The following CNTLN variants were observed in gnomAD, a reference collection of about 807,000 sequenced individuals.
The protein encoded by CNTLN is centlein, also known as centlein, centrosomal protein.
CNTLN carries 212 observed loss-of-function variants against 180.0 expected under a neutral mutation model. The observed-to-expected ratio is 1.18, with a 90% CI of 1.05 to 1.32. The LOEUF (loss-of-function observed/expected upper bound fraction) is 1.32. Among genes scored for constraint, CNTLN ranks in the 40% most tolerant of loss-of-function variants. The pLI is 0.00. For missense variants in CNTLN, 2,095 were observed against 1,610.9 expected (o/e 1.30, Z -5.14); for synonymous variants, 722 against 563.1 (o/e 1.28, Z -3.99).
At chr9:17,375,757 T>A (rs2133536352) in intron 13 of CNTLN, among the ~76,000 whole-genome samples, 1 of 152,306 alleles carries the variant, frequency 6.6e-6, no homozygotes, top group Non-Finnish European at 1.5e-5. Flanking sequence ...TTGGAGATCT[T>A]CAGATCTGCA....
chr9:17,439,035 G>A (rs1365785774), intron 18 of CNTLN, among the ~76,000 whole-genome samples: 1 of 152,054 alleles, frequency 6.6e-6, no homozygotes, highest in African/African-American at 2.4e-5. Flanking sequence ...GTTCATGGGA[G>A]GAATTGAGGA....
chr9:17,323,341 A>G (rs1820049687), intron 8 of CNTLN, among the ~76,000 whole-genome samples: 1 of 152,186 alleles, frequency 6.6e-6, no homozygotes, highest in South Asian at 2.1e-4. Context: ...CTGCTTCATA[A>G]TTAACAGTGA....
At chr9:17,442,282 C>T (rs1396151092) in intron 18 of CNTLN, among the ~76,000 whole-genome samples, 1 of 152,074 alleles carries the variant, frequency 6.6e-6, no homozygotes, top group Non-Finnish European at 1.5e-5. Flanking sequence ...AAAAACATAC[C>T]TTAAATTTAA....
At chr9:17,177,662 A>G (rs921030306) in intron 2 of CNTLN, among the ~76,000 whole-genome samples, 2 of 151,318 alleles carry the variant, frequency 1.3e-5, no homozygotes, top group African/African-American at 2.4e-5. Flanking sequence ...TACAGCTCTT[A>G]AGGCAGCACA....
intron 7 of CNTLN, chr9:17,299,810 C>G: frequency 2.0e-6 from 2 of 984,182 alleles, no homozygotes; most frequent in Non-Finnish European, 2.4e-6. Flanking sequence ...TGATGACTTT[C>G]TGTTGCTTGG....
intron 12 of CNTLN, among the ~76,000 whole-genome samples, chr9:17,345,016 A>T (rs1457661943): frequency 1.3e-5 from 2 of 152,140 alleles, no homozygotes; most frequent in Non-Finnish European, 1.5e-5. Context: ...TTCTTTCCGC[A>T]TAATGTCTTT....
At chr9:17,240,184 T>C (rs922715545) in intron 5 of CNTLN, among the ~76,000 whole-genome samples, 3 of 152,188 alleles carry the variant, frequency 2.0e-5, no homozygotes, top group African/African-American at 7.2e-5. Context: ...TTTGGGTAAA[T>C]GTATTCCTGA....
At chr9:17,282,861 T>A (rs1267494927) in intron 6 of CNTLN, among the ~76,000 whole-genome samples, 1 of 152,206 alleles carries the variant, frequency 6.6e-6, no homozygotes, top group Non-Finnish European at 1.5e-5. Context: ...TCCCCATTGC[T>A]TGTTTTTGTC....
intron 18 of CNTLN, chr9:17,447,673 T>G (rs952655121): frequency 6.5e-6 from 1 of 154,038 alleles, no homozygotes; most frequent in African/African-American, 2.4e-5. Context: ...TTATATCCCT[T>G]GTAGTGTAGC....
At chr9:17,463,163 A>G (rs1047646659) in intron 20 of CNTLN, 150 bp downstream of exon 20, 10 of 445,944 alleles carry the variant, frequency 2.2e-5, no homozygotes, top group Non-Finnish European at 4.1e-5. Context: ...AAGGAATACT[A>G]TGTATAGCAT....
intron 2 of CNTLN, among the ~76,000 whole-genome samples, chr9:17,144,058 A>G (rs960456870): frequency 6.6e-6 from 1 of 152,232 alleles, no homozygotes; most frequent in African/African-American, 2.4e-5. Context: ...AGCTAAGCAT[A>G]TGGATACCTT....
chr9:17,506,221 T>A (rs1833930245), downstream of CNTLN, among the ~76,000 whole-genome samples: 1 of 152,102 alleles, frequency 6.6e-6, no homozygotes, highest in Non-Finnish European at 1.5e-5. Flanking sequence ...TGGTGAAGAA[T>A]TTCTAGCCAT....
chr9:17,426,912 A>T (rs887761229), intron 18 of CNTLN, among the ~76,000 whole-genome samples: 1 of 152,184 alleles, frequency 6.6e-6, no homozygotes, highest in Admixed American at 6.5e-5. Flanking sequence ...CCTGACCTAC[A>T]CTGAAAAATT....
rs535621395 is a variant in CNTLN, at chr9:17,259,668, A to G, written c.850-14065A>G. On this transcript the variant is annotated intron_variant, in intron 5 of 25. Transcript: ENST00000380647. ...CAATTTCAGATCCTGTTATTGGTCTATTCAGAGACTCAGCTTCTTCCTGGT... is the reference window on the plus strand; with the variant it reads ...CAATTTCAGATCCTGTTATTGGTCTGTTCAGAGACTCAGCTTCTTCCTGGT... Among the ~76,000 whole-genome samples, 30 of 151,170 alleles carry G rather than the reference A, an allele frequency of 2.0e-4. No homozygotes were observed. The South Asian group carries it at 5.0e-3, about 25-fold the overall frequency.
intron 5 of CNTLN, among the ~76,000 whole-genome samples, chr9:17,265,882 A>T (rs1827390536): frequency 1.3e-5 from 2 of 151,756 alleles, no homozygotes; most frequent in African/African-American, 2.4e-5. Context: ...ATCGGTGGTG[A>T]TATCCCCTTT....
At chr9:17,419,829 C>T (rs1828565970) in intron 18 of CNTLN, among the ~76,000 whole-genome samples, 1 of 152,184 alleles carries the variant, frequency 6.6e-6, no homozygotes, top group African/African-American at 2.4e-5. Flanking sequence ...TTCAGGTGTT[C>T]ATACTAATTT....
intron 18 of CNTLN, among the ~76,000 whole-genome samples, chr9:17,431,583 C>A (rs1445122227): frequency 6.6e-6 from 1 of 152,050 alleles, no homozygotes; most frequent in Non-Finnish European, 1.5e-5. Flanking sequence ...GTTACCTGTG[C>A]TTTTGAGATC....
intron 16 of CNTLN, among the ~76,000 whole-genome samples, chr9:17,409,731 T>C (rs1827692841): frequency 6.6e-6 from 1 of 152,070 alleles, no homozygotes. Context: ...GTTAATAAGC[T>C]CATTATTGTT....
At chr9:17,423,288 CTGGGTTCTT>C (rs1443237579) in intron 18 of CNTLN, among the ~76,000 whole-genome samples, 3 of 152,166 alleles carry the variant, frequency 2.0e-5, no homozygotes, top group Non-Finnish European at 2.9e-5. Flanking sequence ...CGTGCCAGAA[CTGGGTTCTT>C]CTTTGCAGTG....
Sources: gnomAD v4.1 joint callset for allele counts (sites outside exome capture counted in the v4.1 genomes callset) on GRCh38, gnomAD v4.1.1 for gene constraint, MANE v1.5 for transcripts, NCBI Gene and HGNC (gene_info 2026-07-23, HGNC 2026-07-21) for gene names.